VNN1: variants seen among roughly 807,000 people sequenced by gnomAD.
VNN1 encodes the protein vanin 1.
VNN1 carries 29 observed loss-of-function variants against 41.9 expected under a neutral mutation model. The observed-to-expected ratio is 0.69, with a 90% CI of 0.52 to 0.94. VNN1 has a LOEUF of 0.94. Among genes scored for constraint, VNN1 ranks in the 40% least tolerant of loss-of-function variants. VNN1 has a pLI of 0.00. For missense variants in VNN1, 637 were observed against 621.1 expected, an observed-to-expected ratio of 1.03 and a Z score of -0.27; for synonymous variants, 233 against 224.4, an observed-to-expected ratio of 1.04 and a Z score of -0.34.
Position 132,681,094 on chromosome 6 carries a change from ACT to A in VNN1, c.*2044_*2045del, listed in dbSNP as rs1312580388. On this transcript the variant is annotated 3_prime_UTR_variant, in exon 7 of 7. Coordinates refer to ENST00000367928, the MANE Select transcript of VNN1 (RefSeq NM_004666.3). ...GAAGCCCCACCTCCTGATATTCTCA[ACT>A]CTGTTTGATTCTGTCCACGTTGTGC... Among the ~76,000 whole-genome samples, 4 of 152,122 alleles carry A rather than the reference ACT, an allele frequency of 2.6e-5. No homozygotes were observed. The East Asian group carries it at 7.7e-4, about 29-fold the overall frequency.
At chr6:132,699,059 G>T in intron 2 of VNN1, 1 of 251,450 alleles carries the variant, frequency 4.0e-6, no homozygotes, top group South Asian at 5.8e-5. Context: ...CAAGCACCTT[G>T]GATGTGTTGA....
intron 2 of VNN1, among the ~76,000 whole-genome samples, chr6:132,697,743 T>C (rs2300075): frequency 0.038 from 5,795 of 151,826 alleles, 191 homozygotes; most frequent in South Asian, 0.098. Flanking sequence ...TTGAAAAAGA[T>C]TGGAAAAGGA....
chr6:132,693,843 G>T, intron 3 of VNN1, 147 bp downstream of exon 3: 1 of 944,032 alleles, frequency 1.1e-6, no homozygotes, highest in Non-Finnish European at 1.6e-6. Context: ...CTTTATAGGA[G>T]CTTTCCACGC....
intron 2 of VNN1, among the ~76,000 whole-genome samples, chr6:132,703,517 T>C (rs996515032): frequency 5.3e-5 from 8 of 152,238 alleles, no homozygotes; most frequent in African/African-American, 1.9e-4. Flanking sequence ...TAAGTTGTTA[T>C]TTACAAGCTG....
intron 2 of VNN1, among the ~76,000 whole-genome samples, chr6:132,704,308 G>T (rs1778489148): frequency 6.6e-6 from 1 of 151,906 alleles, no homozygotes; most frequent in African/African-American, 2.4e-5. Flanking sequence ...CCATATGTTA[G>T]GTCACAAAAC....
At chr6:132,712,095 A>T (rs1033045358) in intron 1 of VNN1, among the ~76,000 whole-genome samples, 2 of 147,548 alleles carry the variant, frequency 1.4e-5, no homozygotes, top group Admixed American at 6.8e-5. Context: ...GGTTTGTTGC[A>T]TGGATATGTT....
intron 1 of VNN1, among the ~76,000 whole-genome samples, chr6:132,713,105 A>AT (rs1324135718): frequency 6.6e-6 from 1 of 152,254 alleles, no homozygotes; most frequent in African/African-American, 2.4e-5. Context: ...ACTATACTCC[A>AT]TCCTGGGTGA....
At chr6:132,690,290 G>T (rs1265929301) in intron 5 of VNN1, among the ~76,000 whole-genome samples, 1 of 152,110 alleles carries the variant, frequency 6.6e-6, no homozygotes, top group African/African-American at 2.4e-5. Context: ...GATCCTGCAG[G>T]ACAGGATGTT....
Position 132,711,783 on chromosome 6 carries a change from C to A in VNN1, c.267G>T (p.Arg89Ser). ...EDAIYGWNFNRDSLYPYLEDI... is the reference protein window; with the variant it reads ...EDAIYGWNFNSDSLYPYLEDI... ...CCTCCAAATATGGGTAGAGAGAGTC[C>A]CTGTTGAAGTTCCAGCCATAAATAG... The change falls in exon 2 of 7, where the codon AGG becomes AGT. Residue 89 changes from arginine to serine, a missense_variant. By Grantham distance (110) the Arg-to-Ser change is moderately radical. Transcript: ENST00000367928. The A allele has an allele frequency of 6.2e-7, 1 of 1,613,752 alleles. No homozygotes were observed. Among genetic ancestry groups the A allele is most frequent in the Non-Finnish European group, 8.5e-7 (1 of 1,179,866 alleles).
chr6:132,709,239 T>A (rs1778560743), intron 2 of VNN1, among the ~76,000 whole-genome samples: 1 of 149,686 alleles, frequency 6.7e-6, no homozygotes, highest in Non-Finnish European at 1.5e-5. Context: ...TAGATAATTA[T>A]CTTTTTAAAA....
chr6:132,694,759 G>A (rs1031406703), intron 2 of VNN1, among the ~76,000 whole-genome samples: 3 of 151,916 alleles, frequency 2.0e-5, no homozygotes, highest in Admixed American at 2.0e-4. Context: ...ATATTTGGGA[G>A]ACTGAGGTGG....
At chr6:132,704,116 T>C (rs1414089781) in intron 2 of VNN1, among the ~76,000 whole-genome samples, 1 of 151,806 alleles carries the variant, frequency 6.6e-6, no homozygotes, top group Non-Finnish European at 1.5e-5. Context: ...TAGCTGGAGA[T>C]TTCAACATCC....
intron 5 of VNN1, among the ~76,000 whole-genome samples, chr6:132,690,439 A>G (rs985020872): frequency 6.6e-6 from 1 of 152,076 alleles, no homozygotes; most frequent in Non-Finnish European, 1.5e-5. Flanking sequence ...TCACACCACA[A>G]AGAATCCCCT....
chr6:132,707,941 G>T (rs1778543195), intron 2 of VNN1, among the ~76,000 whole-genome samples: 1 of 152,122 alleles, frequency 6.6e-6, no homozygotes, highest in Non-Finnish European at 1.5e-5. Flanking sequence ...TAATTGAATG[G>T]TTTGTAATAC....
At chr6:132,692,866 C>G (rs964438663) in intron 4 of VNN1, among the ~76,000 whole-genome samples, 158 bp downstream of exon 4, 2 of 151,900 alleles carry the variant, frequency 1.3e-5, no homozygotes, top group African/African-American at 4.8e-5. Flanking sequence ...ACAATTTAGA[C>G]TGAGATTGAT....
chr6:132,701,163 G>A (rs1778444554), intron 2 of VNN1, among the ~76,000 whole-genome samples: 1 of 151,946 alleles, frequency 6.6e-6, no homozygotes, highest in Non-Finnish European at 1.5e-5. Flanking sequence ...TTTCTATATT[G>A]GATCAATATA....
intron 5 of VNN1, among the ~76,000 whole-genome samples, chr6:132,691,851 C>A (rs762355255): frequency 2.2e-4 from 33 of 151,538 alleles, no homozygotes; most frequent in Non-Finnish European, 3.1e-4. Context: ...ACAACAACAA[C>A]AAAAAAATTA....
rs778966428 is a variant in VNN1 at position 132,683,262 on chromosome 6, T to C, written c.1420A>G (p.Thr474Ala). 2 of 1,614,054 alleles carry C rather than the reference T, an allele frequency of 1.2e-6. No homozygotes were observed. Among genetic ancestry groups the C allele is most frequent in the Non-Finnish European group, 8.5e-7 (1 of 1,179,992 alleles). ...KPTSGPVLTV[T>A]LFGRLYEKDW... ...TTCTCATACAACCTCCCAAACAGAGTTACTGTTAAGACAGGTCCGGATGTT... is the reference window on the plus strand; with the variant it reads ...TTCTCATACAACCTCCCAAACAGAGCTACTGTTAAGACAGGTCCGGATGTT... Residue 474 changes from threonine (T) to alanine (A), a missense_variant, in exon 7 of 7, where the codon ACT (threonine) becomes GCT (alanine). Physicochemically the swap from Thr to Ala is moderately conservative, Grantham distance 58 (BLOSUM62 0). Coordinates refer to ENST00000367928, the MANE Select transcript of VNN1 (RefSeq NM_004666.3).
rs775339906 is a variant in VNN1 at position 132,692,236 on chromosome 6, C to G, written c.1175G>C (p.Arg392Pro). 34 of 1,571,732 alleles carry G rather than the reference C, an allele frequency of 2.2e-5. No individual in the cohort carries two copies. The African/African-American group carries it at 4.5e-4, about 21-fold the overall frequency. ...TCAAAATATTACCTGTAGATAATAG[C>G]GCCCTTCCACAGTGTGCAGTCCGTC... Reference protein sequence around the residue: ...AFDGLHTVEGRYYLQICTLLK... With the variant: ...AFDGLHTVEGPYYLQICTLLK... The change falls in exon 5 of 7, where the codon CGC becomes CCC. Residue 392 changes from arginine to proline, a missense_variant. Coordinates refer to ENST00000367928, the MANE Select transcript of VNN1 (RefSeq NM_004666.3).
Sources: gnomAD v4.1 joint callset for allele counts (sites outside exome capture counted in the v4.1 genomes callset) on GRCh38, gnomAD v4.1.1 for gene constraint, MANE v1.5 for transcripts, NCBI Gene and HGNC (gene_info 2026-07-23, HGNC 2026-07-21) for gene names.